The following C14orf39 variants were observed in gnomAD, a reference collection of about 807,000 sequenced individuals.
C14orf39 encodes protein SIX6OS1.
A neutral mutation model predicts 85.6 loss-of-function variants in C14orf39; 66 were observed. The observed-to-expected ratio is 0.77, with a 90% CI of 0.63 to 0.95. The LOEUF is 0.95. Among genes scored for constraint, C14orf39 ranks in the 40% least tolerant of loss-of-function variants. C14orf39 has a pLI of 0.00. For synonymous variants in C14orf39, 242 were observed against 214.0 expected (o/e 1.13, Z -1.14); for missense variants, 735 against 663.9 (o/e 1.11, Z -1.18).
intron 7 of C14orf39, among the ~76,000 whole-genome samples, chr14:60,470,606 A>C (rs570204092): frequency 3.0e-4 from 45 of 152,014 alleles, no homozygotes; most frequent in African/African-American, 1.0e-3. Context: ...AGCGTCTACT[A>C]ACTTTGGCCC....
chr14:60,465,117 G>T (rs1891724106), intron 11 of C14orf39, among the ~76,000 whole-genome samples: 1 of 151,956 alleles, frequency 6.6e-6, no homozygotes, highest in African/African-American at 2.4e-5. Context: ...ATAAAAAATA[G>T]AACTCTGGTA....
rs10529202 is a variant in C14orf39 at position 60,465,851 on chromosome 14, A to AACACAC, written c.972+122_972+127dup. ...CTAATGGCTGATTTAATAAATTTAT[A>AACACAC]ACACACACACACACACACACACACA... On this transcript the variant is annotated intron_variant, in intron 11 of 17. Coordinates refer to ENST00000321731, the MANE Select transcript of C14orf39 (RefSeq NM_174978.3). 4.1e-5 allele frequency: 17 copies of AACACAC among 414,848 alleles called. No homozygotes were observed. In the East Asian group the frequency reaches 5.1e-4, roughly 12 times the overall value. The allele number at this position is 414,848 out of a possible 1,614,324, so 25.7% of individuals were successfully genotyped here.
At chr14:60,464,738 G>A (rs1020223522) in intron 11 of C14orf39, among the ~76,000 whole-genome samples, 2 of 151,664 alleles carry the variant, frequency 1.3e-5, no homozygotes, top group Non-Finnish European at 1.5e-5. Flanking sequence ...AGTTGTTTCC[G>A]CTCTTCTGCT....
chr14:60,479,840 T>C (rs1892558270), intron 4 of C14orf39, among the ~76,000 whole-genome samples: 1 of 152,210 alleles, frequency 6.6e-6, no homozygotes, highest in Admixed American at 6.5e-5. Context: ...TTCATTCATA[T>C]GGATATACCA....
chr14:60,475,227 C>T (rs1334588599), intron 5 of C14orf39, among the ~76,000 whole-genome samples: 3 of 152,140 alleles, frequency 2.0e-5, no homozygotes, highest in South Asian at 2.1e-4. Flanking sequence ...GTTTGTATTT[C>T]TGTGGGATCG....
In C14orf39 at chr14:60,458,744, T is replaced by C; in HGVS notation, c.1118-5A>G. 2 of 1,591,344 alleles carry C rather than the reference T, an allele frequency of 1.3e-6. No homozygotes were observed. Among genetic ancestry groups the C allele is most frequent in the Non-Finnish European group, 1.7e-6 (2 of 1,167,344 alleles). On this transcript the variant is annotated splice_polypyrimidine_tract_variant and splice_region_variant and intron_variant, in intron 13 of 17. Coordinates refer to ENST00000321731, the MANE Select transcript of C14orf39 (RefSeq NM_174978.3). ...CTTTATCTCCATACTCAGCATCTGT[T>C]GTCATATGAGAACAAACTATTTTTC...
At chr14:60,506,388 G>A (rs1269049518) in intron 1 of C14orf39, among the ~76,000 whole-genome samples, 1 of 152,220 alleles carries the variant, frequency 6.6e-6, no homozygotes, top group African/African-American at 2.4e-5. Flanking sequence ...CCAGCCCGAA[G>A]TCACAGCTTT....
At chr14:60,476,873 T>TC (rs5809063) in intron 5 of C14orf39, among the ~76,000 whole-genome samples, 26,619 of 152,050 alleles carry the variant, frequency 0.18, 3,040 homozygotes, top group East Asian at 0.54. Flanking sequence ...CCTGTTTTTT[T>TC]AAATGAATAT....
intron 16 of C14orf39, among the ~76,000 whole-genome samples, chr14:60,448,443 C>A (rs949526716): frequency 6.6e-6 from 1 of 152,178 alleles, no homozygotes; most frequent in Non-Finnish European, 1.5e-5. Context: ...CTCATCATCA[C>A]TGGTCATTAG....
At chr14:60,444,896 G>A (rs1171908162) in intron 16 of C14orf39, among the ~76,000 whole-genome samples, 1 of 152,218 alleles carries the variant, frequency 6.6e-6, no homozygotes, top group African/African-American at 2.4e-5. Context: ...AGCCAGAAGA[G>A]AGTGGGGGCC....
chr14:60,499,254 C>T (rs1173279669), intron 2 of C14orf39: 2 of 43,846 alleles, frequency 4.6e-5, no homozygotes, highest in Admixed American at 6.4e-4. Flanking sequence ...AAAACTCCGT[C>T]TCAAAAAAAA....
intron 4 of C14orf39, among the ~76,000 whole-genome samples, chr14:60,482,892 G>A (rs886300465): frequency 1.4e-5 from 2 of 146,988 alleles, no homozygotes; most frequent in Admixed American, 1.3e-4. Context: ...GTGTGTGTGT[G>A]TGTGTGTGTG....
chr14:60,514,944 G>A (rs914314486), intron 1 of C14orf39, among the ~76,000 whole-genome samples: 2 of 152,166 alleles, frequency 1.3e-5, no homozygotes, highest in Non-Finnish European at 2.9e-5. Context: ...CAGGGCTAAT[G>A]ACGGCGGCCG....
At chr14:60,458,093 C>T (rs1891358644) in intron 14 of C14orf39, among the ~76,000 whole-genome samples, 1 of 151,936 alleles carries the variant, frequency 6.6e-6, no homozygotes, top group Non-Finnish European at 1.5e-5. Flanking sequence ...GGATATCCAT[C>T]ACCTTAAATA....
At chr14:60,510,064 A>G (rs1047822791) in intron 1 of C14orf39, 20 of 1,125,156 alleles carry the variant, frequency 1.8e-5, no homozygotes, top group African/African-American at 1.7e-4. Flanking sequence ...GGCGACTCCA[A>G]TTCAGCAGGA....
At chr14:60,470,938 G>A (rs983838939) in intron 7 of C14orf39, among the ~76,000 whole-genome samples, 3 of 151,856 alleles carry the variant, frequency 2.0e-5, no homozygotes, top group Non-Finnish European at 2.9e-5. Context: ...CTATTACAGT[G>A]GTACTGTATT....
chr14:60,483,040 T>C (rs188991441), intron 4 of C14orf39, among the ~76,000 whole-genome samples: 6 of 152,230 alleles, frequency 3.9e-5, no homozygotes, highest in African/African-American at 1.4e-4. Context: ...TATGTGTATA[T>C]TGCTTGAACA....
intron 1 of C14orf39, among the ~76,000 whole-genome samples, chr14:60,506,738 G>A (rs561021109): frequency 6.6e-6 from 1 of 152,282 alleles, no homozygotes; most frequent in South Asian, 2.1e-4. Context: ...TCTGCCACAC[G>A]CAGCCCGCAC....
chr14:60,445,193 A>T (rs1277132864), intron 16 of C14orf39, among the ~76,000 whole-genome samples: 1 of 152,070 alleles, frequency 6.6e-6, no homozygotes, highest in Non-Finnish European at 1.5e-5. Context: ...ACATCATGAC[A>T]GGATCAAATT....
Sources: allele counts gnomAD v4.1 joint callset (sites outside exome capture counted in the v4.1 genomes callset), GRCh38; gene constraint gnomAD v4.1.1; transcripts MANE v1.5; gene names NCBI Gene and HGNC (gene_info 2026-07-23, HGNC 2026-07-21).